Variants in FUT9 observed in about 807,000 individuals in gnomAD.
The protein encoded by FUT9 is 4-galactosyl-N-acetylglucosaminide 3-alpha-L-fucosyltransferase 9.
In FUT9, 15 loss-of-function variants were observed where a neutral mutation model predicts 29.7. The ratio of observed to expected loss-of-function variants is 0.51; its 90% CI spans 0.34 to 0.78. The LOEUF (loss-of-function observed/expected upper bound fraction) is 0.78. FUT9 is among the 30% of genes least tolerant of loss of function. The pLI is 0.01. For missense variants in FUT9, 319 were observed against 425.4 expected, an observed-to-expected ratio of 0.75 and a Z score of 2.20; for synonymous variants, 169 against 153.7, an observed-to-expected ratio of 1.10 and a Z score of -0.74.
intron 1 of FUT9, among the ~76,000 whole-genome samples, chr6:96,088,867 A>T (rs1771366112): frequency 6.6e-6 from 1 of 152,018 alleles, no homozygotes; most frequent in Non-Finnish European, 1.5e-5. Context: ...TTTTACCTTG[A>T]TGGATCCTGG....
At chr6:96,067,231 A>G (rs1770977830) in intron 1 of FUT9, among the ~76,000 whole-genome samples, 1 of 150,940 alleles carries the variant, frequency 6.6e-6, no homozygotes, top group Non-Finnish European at 1.5e-5. Context: ...TATATGTTGT[A>G]TACGCACATA....
rs1380207462 is a variant in FUT9, at chr6:96,206,551, C to T, written c.*2316C>T. The T allele has an allele frequency of 1.8e-5, 3 of 166,612 alleles. No homozygotes were observed. Among genetic ancestry groups the T allele is most frequent in the African/African-American group, 4.8e-5 (2 of 41,450 alleles). 10.3% of individuals were successfully genotyped at this position (166,612 alleles called of 1,614,324 possible). ...AGTCTCGGCTCACTGCAACCTCGGC[C>T]TCCCAGGTTCAAGTGATTCTCCTGT... On this transcript the variant is annotated 3_prime_UTR_variant, in exon 3 of 3. Coordinates refer to ENST00000302103, the MANE Select transcript of FUT9 (RefSeq NM_006581.4).
rs951993056 is a variant in FUT9 at position 96,212,942 on chromosome 6, T to C, written c.*8707T>C. 1 of 166,906 alleles carries C rather than the reference T, an allele frequency of 6.0e-6. No individual in the cohort carries two copies. Among genetic ancestry groups the C allele is most frequent in the African/African-American group, 2.4e-5 (1 of 41,448 alleles). 10.3% of individuals were successfully genotyped at this position (166,906 alleles called of 1,614,324 possible). A position where few individuals can be genotyped will look rare whatever the true frequency, so the allele number is the denominator to read the frequency against. Reference sequence around the variant, plus strand: ...CTGCTGTATAATTCACTAACATTTCTGAGCCATAGATTTTTAATCTGTAAA... The same window carrying C: ...CTGCTGTATAATTCACTAACATTTCCGAGCCATAGATTTTTAATCTGTAAA... On this transcript the variant is annotated 3_prime_UTR_variant, in exon 3 of 3. Transcript: ENST00000302103.
At chr6:96,171,058 C>A (rs1430171929) in intron 2 of FUT9, among the ~76,000 whole-genome samples, 1 of 152,080 alleles carries the variant, frequency 6.6e-6, no homozygotes, top group African/African-American at 2.4e-5. Flanking sequence ...GAGGAGCATA[C>A]AATCCTAAGA....
chr6:96,049,921 C>A (rs1009991305), intron 1 of FUT9, among the ~76,000 whole-genome samples: 2 of 152,020 alleles, frequency 1.3e-5, no homozygotes, highest in African/African-American at 4.8e-5. Context: ...TCATTTATTC[C>A]TCATAATCAT....
intron 1 of FUT9, among the ~76,000 whole-genome samples, chr6:96,042,502 T>C (rs567819168): frequency 3.3e-5 from 5 of 152,218 alleles, no homozygotes; most frequent in Non-Finnish European, 5.9e-5. Context: ...GGAATATACA[T>C]CTAATTATTC....
chr6:96,064,940 CAA>C lies in FUT9; in HGVS notation c.-98+48731_-98+48732del, dbSNP rs1395865502. Reference sequence around the variant, plus strand: ...TATTGTAGCATAGAAAAGTACATCTCAAAATATGTTCTTAGATTGCTACAACA... The same window carrying C: ...TATTGTAGCATAGAAAAGTACATCTCAATATGTTCTTAGATTGCTACAACA... On this transcript the variant is annotated intron_variant, in intron 1 of 2. Coordinates refer to ENST00000302103, the MANE Select transcript of FUT9 (RefSeq NM_006581.4). Among the ~76,000 whole-genome samples the C allele has an allele frequency of 3.3e-5, 5 of 152,254 alleles. No homozygotes were observed. The East Asian group carries it at 9.7e-4, about 29-fold the overall frequency.
chr6:96,103,988 A>T (rs1771634136), intron 1 of FUT9, among the ~76,000 whole-genome samples: 1 of 152,208 alleles, frequency 6.6e-6, no homozygotes, highest in Non-Finnish European at 1.5e-5. Context: ...CCATAATTCA[A>T]TGCACAACAG....
intron 1 of FUT9, among the ~76,000 whole-genome samples, chr6:96,055,249 T>C (rs567717750): frequency 6.6e-6 from 1 of 152,310 alleles, no homozygotes; most frequent in Non-Finnish European, 1.5e-5. Context: ...ATAGCTTTAG[T>C]GATGTGATAT....
chr6:96,114,667 A>G (rs1164428283), intron 2 of FUT9, among the ~76,000 whole-genome samples: 1 of 151,792 alleles, frequency 6.6e-6, no homozygotes, highest in Non-Finnish European at 1.5e-5. Context: ...AAATAAAAAA[A>G]GAAAAGTAGT....
chr6:96,191,244 G>A (rs1396345708), intron 2 of FUT9, among the ~76,000 whole-genome samples: 1 of 151,896 alleles, frequency 6.6e-6, no homozygotes, highest in African/African-American at 2.4e-5. Flanking sequence ...CAGAACTGAA[G>A]GAAATAGAGA....
intron 2 of FUT9, among the ~76,000 whole-genome samples, chr6:96,177,430 T>C (rs1005938554): frequency 1.3e-4 from 20 of 152,048 alleles, no homozygotes; most frequent in African/African-American, 4.8e-4. Flanking sequence ...ATAGGTATTG[T>C]TATACTCATC....
At chr6:96,070,801 C>A (rs1582209419) in intron 1 of FUT9, among the ~76,000 whole-genome samples, 1 of 152,134 alleles carries the variant, frequency 6.6e-6, no homozygotes, top group East Asian at 1.9e-4. Flanking sequence ...AACTTACAAA[C>A]CAGAATGTAT....
At chr6:96,100,127 T>A (rs2127956469) in intron 1 of FUT9, among the ~76,000 whole-genome samples, 1 of 152,184 alleles carries the variant, frequency 6.6e-6, no homozygotes, top group East Asian at 1.9e-4. Context: ...AGCAATGGTC[T>A]TACTAGAGGT....
intron 1 of FUT9, among the ~76,000 whole-genome samples, chr6:96,069,117 C>G (rs1199165387): frequency 1.3e-5 from 2 of 152,258 alleles, no homozygotes; most frequent in East Asian, 1.9e-4. Context: ...AAGTTCAAGA[C>G]TAGCCTGGCC....
At position 96,043,532 on chromosome 6, in the gene FUT9, C is replaced by G. The variant is rs529366270; in HGVS notation, c.-98+27320C>G. Among the ~76,000 whole-genome samples, 24 of 152,224 alleles carry G rather than the reference C, an allele frequency of 1.6e-4. No individual in the cohort carries two copies. The South Asian group carries it at 3.9e-3, about 25-fold the overall frequency. ...ATTATTTTATTTGAACATTTTCTGT[C>G]TATAAAATCCCCAAATCTGAGAACT... On this transcript the variant is annotated intron_variant, in intron 1 of 2. Transcript: ENST00000302103.
intron 2 of FUT9, among the ~76,000 whole-genome samples, chr6:96,196,864 G>A (rs1213426954): frequency 6.6e-6 from 1 of 152,136 alleles, no homozygotes; most frequent in African/African-American, 2.4e-5. Context: ...ATCAAATAAG[G>A]TAGGTCAGAA....
At chr6:96,137,189 A>G (rs952799587) in intron 2 of FUT9, among the ~76,000 whole-genome samples, 5 of 152,002 alleles carry the variant, frequency 3.3e-5, no homozygotes, top group African/African-American at 9.7e-5. Context: ...AAGCAAAAGA[A>G]TGGGAGCCTA....
In FUT9 at chr6:96,215,039, G is replaced by T. The variant is rs3827786; in HGVS notation, c.*10804G>T. ...GACGCCGACTTTACCAACCAAGATA[G>T]TGTATGTGTGTGACATTCAGCTAAC... is the stretch of plus-strand genomic sequence containing the variant. On this transcript the variant is annotated 3_prime_UTR_variant, in exon 3 of 3. Transcript: ENST00000302103. 154,075 of 166,988 alleles carry T rather than the reference G, an allele frequency of 0.92. 72,409 individuals carry two copies. Among genetic ancestry groups the T allele is most frequent in the Non-Finnish European group, 1 (67,934 of 68,062 alleles). The allele number at this position is 166,988 out of a possible 1,614,324, so 10.3% of individuals were successfully genotyped here.
Sources: allele counts gnomAD v4.1 joint callset (sites outside exome capture counted in the v4.1 genomes callset), GRCh38; gene constraint gnomAD v4.1.1; transcripts MANE v1.5; gene names NCBI Gene and HGNC (gene_info 2026-07-23, HGNC 2026-07-21).